XKR7: variants seen among roughly 807,000 people sequenced by gnomAD.
XKR7 encodes the protein XK related 7.
Under a neutral mutation model 42.2 loss-of-function variants are expected in XKR7, and 11 were observed. The observed-to-expected ratio is 0.26, with a 90% CI of 0.16 to 0.43. The LOEUF (loss-of-function observed/expected upper bound fraction) is 0.43. Among genes scored for constraint, XKR7 ranks in the 20% least tolerant of loss-of-function variants. The pLI is 1.00. For synonymous variants in XKR7, 346 were observed against 366.4 expected (o/e 0.94, Z 0.64); for missense variants, 710 against 802.2 (o/e 0.89, Z 1.39).
chr20:31,980,239 C>T (rs918958436), intron 1 of XKR7, among the ~76,000 whole-genome samples: 7 of 151,690 alleles, frequency 4.6e-5, no homozygotes, highest in African/African-American at 7.3e-5. Flanking sequence ...GGGAGCCAAA[C>T]GTGTAAAATC....
Position 31,997,267 on chromosome 20 carries a change from G to A in XKR7, c.1550G>A (p.Arg517Gln), listed in dbSNP as rs997398608. The change falls in exon 3 of 3, where the codon CGG (arginine) becomes CAG (glutamine). Residue 517 changes from arginine (R) to glutamine (Q), a missense_variant. Physicochemically the swap from Arg to Gln is conservative, Grantham distance 43. Coordinates refer to ENST00000562532, the MANE Select transcript of XKR7 (RefSeq NM_001011718.2). ...CCCACACCAGTGGCCCGCACCTTGC[G>A]GACAGAGGGGCCTGTCATCCGGATT... is the stretch of plus-strand genomic sequence containing the variant. ...LPPTPVARTL[R>Q]TEGPVIRIDL... is the part of the protein sequence containing the mutation. 6 of 1,612,270 alleles carry A rather than the reference G, an allele frequency of 3.7e-6. No homozygotes were observed. The highest frequency in any genetic ancestry group is 4.5e-5 in the East Asian group (2 of 44,868).
chr20:31,997,375 A>G lies in XKR7; in HGVS notation c.1658A>G (p.Tyr553Cys). 6.2e-7 allele frequency: 1 copy of G among 1,601,522 alleles called. No individual in the cohort carries two copies. The highest frequency in any genetic ancestry group is 8.5e-7 in the Non-Finnish European group (1 of 1,179,874). Residue 553 changes from tyrosine (Y) to cysteine (C), a missense_variant, in exon 3 of 3, where the codon TAC becomes TGC. Coordinates refer to ENST00000562532, the MANE Select transcript of XKR7 (RefSeq NM_001011718.2). ...RLRKTILALE[Y>C]SSPATPRLQY... ...CGGAAGACCATCCTGGCACTGGAGTACTCCTCACCTGCCACGCCCCGGTTG... is the reference window on the plus strand; with the variant it reads ...CGGAAGACCATCCTGGCACTGGAGTGCTCCTCACCTGCCACGCCCCGGTTG...
intron 1 of XKR7, among the ~76,000 whole-genome samples, chr20:31,975,137 A>G (rs1250902827): frequency 6.6e-6 from 1 of 151,762 alleles, no homozygotes; most frequent in Non-Finnish European, 1.5e-5. Context: ...GATGGTTGGG[A>G]TCTTCTCTGG....
intron 1 of XKR7, among the ~76,000 whole-genome samples, chr20:31,986,467 CACAG>C (rs1362900430): frequency 8.2e-5 from 11 of 134,822 alleles, no homozygotes; most frequent in Non-Finnish European, 9.4e-5. Context: ...GCATCCAAGA[CACAG>C]ACAGACAGAC....
chr20:31,973,193 G>A (rs1269415781), intron 1 of XKR7, among the ~76,000 whole-genome samples: 4 of 152,206 alleles, frequency 2.6e-5, no homozygotes, highest in African/African-American at 9.6e-5. Flanking sequence ...TTTGCTCCCT[G>A]TGGAACAAAG....
intron 1 of XKR7, among the ~76,000 whole-genome samples, chr20:31,992,824 C>T (rs2064575558): frequency 6.6e-6 from 1 of 152,086 alleles, no homozygotes; most frequent in Non-Finnish European, 1.5e-5. Context: ...CTTTCATTGG[C>T]AGATGGAGAA....
chr20:31,974,165 C>A (rs2064476060), intron 1 of XKR7, among the ~76,000 whole-genome samples: 1 of 151,868 alleles, frequency 6.6e-6, no homozygotes, highest in South Asian at 2.1e-4. Context: ...TGCACTCCAG[C>A]CTGGGTGACA....
chr20:31,979,712 C>T (rs1169874128), intron 1 of XKR7, among the ~76,000 whole-genome samples: 2 of 152,156 alleles, frequency 1.3e-5, no homozygotes, highest in Non-Finnish European at 2.9e-5. Context: ...TTCTCCCTGC[C>T]TTGGTCCCGT....
At chr20:31,986,410 C>T (rs1287518277) in intron 1 of XKR7, among the ~76,000 whole-genome samples, 2 of 135,714 alleles carry the variant, frequency 1.5e-5, no homozygotes, top group African/African-American at 5.7e-5. Context: ...CCAAACAGAT[C>T]CAGCATCCAA....
chr20:31,987,200 C>T (rs2064546170), intron 1 of XKR7, among the ~76,000 whole-genome samples: 1 of 148,078 alleles, frequency 6.8e-6, no homozygotes, highest in Non-Finnish European at 1.5e-5. Flanking sequence ...AGTATCAAGA[C>T]ACAGACACAC....
At chr20:31,987,240 A>G (rs2076911671) in intron 1 of XKR7, among the ~76,000 whole-genome samples, 1 of 149,292 alleles carries the variant, frequency 6.7e-6, no homozygotes, top group Admixed American at 6.7e-5. Context: ...GTATTAAGAC[A>G]CAGACAGACA....
At chr20:31,972,920 G>A (rs2064470957) in intron 1 of XKR7, among the ~76,000 whole-genome samples, 1 of 152,188 alleles carries the variant, frequency 6.6e-6, no homozygotes, top group African/African-American at 2.4e-5. Context: ...TACATTCTTG[G>A]CATAACGGTT....
Position 31,996,728 on chromosome 20 carries a change from C to G in XKR7, c.1011C>G (p.Cys337Trp). 6.2e-7 allele frequency: 1 copy of G among 1,613,450 alleles called. No homozygotes were observed. Among genetic ancestry groups the G allele is most frequent in the South Asian group, 1.1e-5 (1 of 90,986 alleles). ...GCATCTTCATCGTGGCCCACTGGTG[C>G]GTCATGACCTTCTGGGTCATCCAAG... The part of the protein sequence containing the change: ...YFGIFIVAHW[C>W]VMTFWVIQGE... Residue 337 changes from cysteine (C) to tryptophan (W), a missense_variant, in exon 3 of 3, where the codon TGC becomes TGG. Physicochemically the swap from Cys to Trp is radical, Grantham distance 215. Transcript: ENST00000562532.
intron 1 of XKR7, among the ~76,000 whole-genome samples, chr20:31,993,465 A>G (rs1234023117): frequency 1.3e-5 from 2 of 152,202 alleles, no homozygotes; most frequent in African/African-American, 4.8e-5. Flanking sequence ...CTTGCTCAAG[A>G]TCACACAGTA....
At chr20:31,983,621 G>C (rs137987010) in intron 1 of XKR7, among the ~76,000 whole-genome samples, 216 of 152,322 alleles carry the variant, frequency 1.4e-3, no homozygotes, top group Non-Finnish European at 3.7e-4. Context: ...TGTCCTCCTG[G>C]ACCTCAAGGG....
intron 1 of XKR7, among the ~76,000 whole-genome samples, chr20:31,992,664 T>C (rs540810781): frequency 2.0e-5 from 3 of 152,306 alleles, no homozygotes; most frequent in East Asian, 3.9e-4. Context: ...TCATGTGTTA[T>C]GTTGATGGTG....
At chr20:31,985,809 GACTACCAAGCAGACCCAGCATCCAAAAC>G (rs1234813456) in intron 1 of XKR7, among the ~76,000 whole-genome samples, 2 of 118,896 alleles carry the variant, frequency 1.7e-5, no homozygotes, top group African/African-American at 3.4e-5. Context: ...CAGACAGACA[GACTACCAAGCAGACCCAGCATCCAAAAC>G]ACAGACAGAC....
rs779600190 is a variant in XKR7, at chr20:31,995,038, G to C, written c.585-30G>C. The C allele has an allele frequency of 7.7e-5, 118 of 1,539,336 alleles. 2 individuals are homozygous for C. The Admixed American group carries it at 2.1e-3, about 28-fold the overall frequency. ...GACAGAGCGAGAGGAACCAGCGCGC[G>C]GGAGCCTGAGCACCGCGTCCTTCCC... is the stretch of plus-strand genomic sequence containing the variant. On this transcript the variant is annotated intron_variant, in intron 1 of 2. Coordinates refer to ENST00000562532, the MANE Select transcript of XKR7 (RefSeq NM_001011718.2). The surrounding 1 kb of genome is among the most constrained non-coding windows in gnomAD (Gnocchi z 4.1).
intron 1 of XKR7, among the ~76,000 whole-genome samples, chr20:31,976,890 T>C (rs1337540965): frequency 4.6e-5 from 7 of 152,188 alleles, no homozygotes; most frequent in African/African-American, 1.2e-4. Context: ...TTTGTTGCTT[T>C]TTCTTTCTGT....
Sources: gnomAD v4.1 joint callset for allele counts (sites outside exome capture counted in the v4.1 genomes callset) on GRCh38, gnomAD v4.1.1 for gene constraint, Gnocchi (gnomAD v3.1) non-coding constraint, MANE v1.5 for transcripts, NCBI Gene and HGNC (gene_info 2026-07-23, HGNC 2026-07-21) for gene names.